LINGO1: variants seen among roughly 807,000 people sequenced by gnomAD.
LINGO1 encodes leucine rich repeat and Ig domain containing 1.
LINGO1 carries 11 observed loss-of-function variants against 37.3 expected under a neutral mutation model. That is an observed-to-expected ratio of 0.29 (90% CI 0.19 to 0.49). The LOEUF (loss-of-function observed/expected upper bound fraction) is 0.49. Among genes scored for constraint, LINGO1 ranks in the 20% least tolerant of loss-of-function variants. The pLI, the probability that LINGO1 is intolerant of heterozygous loss-of-function variation, is 0.99. For missense variants in LINGO1, 585 were observed against 878.2 expected, an observed-to-expected ratio of 0.67 and a Z score of 4.22; for synonymous variants, 387 against 403.0, an observed-to-expected ratio of 0.96 and a Z score of 0.48.
In LINGO1 at chr15:77,613,067, A is replaced by G. The variant is rs1235058331; in HGVS notation, c.*977T>C. 2.0e-5 allele frequency: 3 copies of G among 152,278 alleles called. No homozygotes were observed. Among genetic ancestry groups the G allele is most frequent in the African/African-American group, 7.2e-5 (3 of 41,432 alleles). The allele number at this position is 152,278 out of a possible 1,614,324, so 9.4% of individuals were successfully genotyped here. On this transcript the variant is annotated 3_prime_UTR_variant, in exon 2 of 2. Coordinates refer to ENST00000355300, the MANE Select transcript of LINGO1 (RefSeq NM_032808.7). ...CTTTACAGGTTACAAAGTGTTTCAC[A>G]TACATCATCTCATCAATTCCTCACA...
chr15:77,626,854 G>A (rs926659064), intron 1 of LINGO1, among the ~76,000 whole-genome samples: 1 of 152,162 alleles, frequency 6.6e-6, no homozygotes, highest in Non-Finnish European at 1.5e-5. Flanking sequence ...GCTACTGCAG[G>A]AGGCCTCCTC....
At chr15:77,728,897 G>C (rs560690966) in intron 2 of LINGO1, among the ~76,000 whole-genome samples, 8 of 152,350 alleles carry the variant, frequency 5.3e-5, no homozygotes, top group African/African-American at 1.9e-4. Context: ...GGCACATAGC[G>C]GGCACTGAGG....
chr15:77,643,592 C>T (rs1317229167), intron 3 of LINGO1, among the ~76,000 whole-genome samples: 1 of 152,220 alleles, frequency 6.6e-6, no homozygotes, highest in African/African-American at 2.4e-5. Context: ...CATTCTCGGG[C>T]ATGCCATGCC....
intron 1 of LINGO1, among the ~76,000 whole-genome samples, chr15:77,692,001 C>G (rs1035849532): frequency 2.0e-5 from 3 of 152,178 alleles, no homozygotes; most frequent in African/African-American, 7.2e-5. Context: ...CATGCGTGCT[C>G]CTGGCTCCAT....
At chr15:77,672,916 C>G (rs1055576829) in intron 3 of LINGO1, among the ~76,000 whole-genome samples, 1 of 152,150 alleles carries the variant, frequency 6.6e-6, no homozygotes, top group African/African-American at 2.4e-5. Context: ...TCCTAAATCT[C>G]TCCCCAGGCA....
At chr15:77,762,057 C>T (rs72730712) in intron 1 of LINGO1, among the ~76,000 whole-genome samples, 24,848 of 152,206 alleles carry the variant, frequency 0.16, 2,515 homozygotes, top group Admixed American at 0.31. Flanking sequence ...TTTGATGATT[C>T]GGCCCTTAAT....
intron 1 of LINGO1, among the ~76,000 whole-genome samples, chr15:77,799,600 C>T (rs948959204): frequency 6.6e-6 from 1 of 152,168 alleles, no homozygotes; most frequent in Non-Finnish European, 1.5e-5. Flanking sequence ...CTCAGCAGCT[C>T]CCGCTTTGTT....
chr15:77,739,350 G>A (rs538586925), intron 1 of LINGO1, among the ~76,000 whole-genome samples: 8 of 152,170 alleles, frequency 5.3e-5, no homozygotes, highest in East Asian at 1.9e-4. Flanking sequence ...TGAACTCCAC[G>A]GTCCCTCTTG....
chr15:77,706,236 C>T (rs1476714381), intron 2 of LINGO1, among the ~76,000 whole-genome samples: 1 of 152,158 alleles, frequency 6.6e-6, no homozygotes. Flanking sequence ...CCAGAAACCT[C>T]GCCTCCCTGT....
intron 1 of LINGO1, among the ~76,000 whole-genome samples, chr15:77,619,736 TAAAATAAAAA>T (rs1464992897): frequency 6.9e-6 from 1 of 144,798 alleles, no homozygotes; most frequent in Non-Finnish European, 1.5e-5. Context: ...TAAAATAAAA[TAAAATAAAAA>T]AGAAATACAT....
chr15:77,681,686 TCA>T (rs2075416460), intron 2 of LINGO1, among the ~76,000 whole-genome samples: 1 of 152,056 alleles, frequency 6.6e-6, no homozygotes, highest in Non-Finnish European at 1.5e-5. Flanking sequence ...GGACAAAGGT[TCA>T]GAGGCAAATG....
At chr15:77,787,153 C>G (rs1224065489), upstream of LINGO1, 1 of 152,266 alleles carries the variant, frequency 6.6e-6, no homozygotes, top group Admixed American at 6.5e-5. Flanking sequence ...AACAAAACCA[C>G]CCCTGTGAGA....
chr15:77,757,568 G>A (rs1033148088), intron 1 of LINGO1, among the ~76,000 whole-genome samples: 31 of 152,324 alleles, frequency 2.0e-4, no homozygotes, highest in African/African-American at 6.5e-4. Flanking sequence ...TTAATACCAC[G>A]TAGATGTCAT....
chr15:77,817,473 T>A (rs1381091781), intron 1 of LINGO1, among the ~76,000 whole-genome samples: 1 of 152,134 alleles, frequency 6.6e-6, no homozygotes, highest in East Asian at 1.9e-4. Context: ...TTCGGATCCC[T>A]GGGATGGTAG....
intron 3 of LINGO1, among the ~76,000 whole-genome samples, chr15:77,673,354 A>G (rs545501496): frequency 6.6e-6 from 1 of 151,812 alleles, no homozygotes; most frequent in South Asian, 2.1e-4. Context: ...TAAAGAGTTA[A>G]TTTCTTTAAC....
chr15:77,812,032 C>A (rs1429289565), intron 1 of LINGO1, among the ~76,000 whole-genome samples: 3 of 152,158 alleles, frequency 2.0e-5, no homozygotes, highest in African/African-American at 7.2e-5. Flanking sequence ...TGAAAGGCAA[C>A]TGGGTCTCTG....
intron 2 of LINGO1, among the ~76,000 whole-genome samples, chr15:77,682,330 C>G (rs2141230137): frequency 7.9e-6 from 1 of 126,736 alleles, no homozygotes; most frequent in South Asian, 2.5e-4. Flanking sequence ...TCGTCTCATA[C>G]AGTACTTGGT....
At chr15:77,685,121 G>A (rs1280725390) in intron 2 of LINGO1, among the ~76,000 whole-genome samples, 1 of 135,138 alleles carries the variant, frequency 7.4e-6, no homozygotes, top group African/African-American at 2.8e-5. Flanking sequence ...AGAGTCATTG[G>A]TTGTGGCTGG....
At chr15:77,693,604 T>A (rs1412998114) in intron 1 of LINGO1, among the ~76,000 whole-genome samples, 1 of 152,218 alleles carries the variant, frequency 6.6e-6, no homozygotes, top group East Asian at 1.9e-4. Flanking sequence ...TTCTTCATTG[T>A]TAAGAGTTCT....
Sources: gnomAD v4.1 joint callset for allele counts (sites outside exome capture counted in the v4.1 genomes callset) on GRCh38, gnomAD v4.1.1 for gene constraint, MANE v1.5 for transcripts, NCBI Gene and HGNC (gene_info 2026-07-23, HGNC 2026-07-21) for gene names.